The following ANAPC5 variants were observed in gnomAD, a reference collection of about 807,000 sequenced individuals.
The protein encoded by ANAPC5 is anaphase promoting complex subunit 5.
Under a neutral mutation model 91.3 loss-of-function variants are expected in ANAPC5, and 60 were observed. The ratio of observed to expected loss-of-function variants is 0.66; its 90% CI spans 0.53 to 0.81. The LOEUF (loss-of-function observed/expected upper bound fraction) is 0.81, where lower values mean the gene tolerates loss of function less well. ANAPC5 is among the 40% of genes least tolerant of loss of function. The pLI is 0.00. For synonymous variants in ANAPC5, 340 were observed against 364.1 expected (o/e 0.93, Z 0.75); for missense variants, 690 against 931.5 (o/e 0.74, Z 3.37).
intron 1 of ANAPC5, among the ~76,000 whole-genome samples, chr12:121,351,739 G>C: frequency 6.6e-6 from 1 of 152,086 alleles, no homozygotes; most frequent in East Asian, 1.9e-4. Flanking sequence ...TTATAGGCGT[G>C]AGCCACTGCG....
intron 4 of ANAPC5, among the ~76,000 whole-genome samples, chr12:121,343,037 CGAT>C (rs1566195734): frequency 6.6e-6 from 1 of 152,012 alleles, no homozygotes. Context: ...TCAATTTTCA[CGAT>C]GAAATTCAGT....
chr12:121,338,366 G>A (rs1291074472), intron 5 of ANAPC5, among the ~76,000 whole-genome samples: 6 of 152,066 alleles, frequency 3.9e-5, no homozygotes, highest in African/African-American at 1.4e-4. Context: ...GAGGAGGGCA[G>A]ATCATGAGGT....
chr12:121,313,827 T>G (rs1902257921), intron 15 of ANAPC5, among the ~76,000 whole-genome samples: 1 of 152,082 alleles, frequency 6.6e-6, no homozygotes, highest in Non-Finnish European at 1.5e-5. Flanking sequence ...TTAAAACAAT[T>G]AACACCAATC....
intron 11 of ANAPC5, among the ~76,000 whole-genome samples, chr12:121,322,260 G>A (rs1008528143): frequency 6.6e-6 from 1 of 151,560 alleles, no homozygotes; most frequent in African/African-American, 2.4e-5. Flanking sequence ...CCAGGTTCAA[G>A]CAATTCTCTT....
upstream of ANAPC5, chr12:121,352,538 C>G: frequency 1.8e-6 from 1 of 563,158 alleles, no homozygotes; most frequent in Non-Finnish European, 3.1e-6. Context: ...TCAGAATGTA[C>G]AAGAGTGCGG....
chr12:121,326,868 G>C (rs1253035644), intron 11 of ANAPC5, among the ~76,000 whole-genome samples: 1 of 152,072 alleles, frequency 6.6e-6, no homozygotes, highest in Non-Finnish European at 1.5e-5. Context: ...CATGAAACTG[G>C]CTGACCTCTT....
At chr12:121,324,415 T>A (rs1902731673) in intron 11 of ANAPC5, among the ~76,000 whole-genome samples, 2 of 152,138 alleles carry the variant, frequency 1.3e-5, no homozygotes, top group Non-Finnish European at 2.9e-5. Context: ...TAACACAGCC[T>A]GGCTGTTGAA....
intron 2 of ANAPC5, 107 bp downstream of exon 2, chr12:121,347,695 T>A: frequency 1.2e-6 from 1 of 839,430 alleles, no homozygotes; most frequent in South Asian, 1.6e-5. Flanking sequence ...GAAAACAACC[T>A]AGGGTAATAA....
chr12:121,313,068 G>A (rs1009425792), intron 15 of ANAPC5, among the ~76,000 whole-genome samples: 2 of 152,238 alleles, frequency 1.3e-5, no homozygotes, highest in African/African-American at 2.4e-5. Context: ...GTTCACGCCT[G>A]TAATCCCAGC....
intron 15 of ANAPC5, among the ~76,000 whole-genome samples, chr12:121,312,706 CAAAAA>C (rs34791908): frequency 9.6e-5 from 5 of 51,834 alleles, no homozygotes; most frequent in African/African-American, 2.5e-4. Context: ...GACTCTGTCA[CAAAAA>C]AAAAAAAAAA....
At chr12:121,311,424 T>A (rs886253932) in intron 15 of ANAPC5, among the ~76,000 whole-genome samples, 1 of 152,186 alleles carries the variant, frequency 6.6e-6, no homozygotes. Flanking sequence ...GAGGACATTA[T>A]ATACTCATGA....
intron 10 of ANAPC5, 30 bp downstream of exon 10, chr12:121,328,286 T>C: frequency 7.5e-6 from 12 of 1,608,734 alleles, no homozygotes; most frequent in Non-Finnish European, 1.0e-5. Context: ...CTCTAAAGAA[T>C]TCACACCCCC....
chr12:121,322,918 A>G (rs1233796545), intron 11 of ANAPC5, among the ~76,000 whole-genome samples: 1 of 152,076 alleles, frequency 6.6e-6, no homozygotes, highest in Non-Finnish European at 1.5e-5. Context: ...CCAGCTACTC[A>G]GGAGGCAAAG....
rs145225775 is a variant in ANAPC5, at chr12:121,324,811, G to GTT, written c.1440+2283_1440+2284dup. On this transcript the variant is annotated intron_variant, in intron 11 of 16. Transcript: ENST00000261819. Reference sequence around the variant, plus strand: ...CAGCTACTAGGCAGGTTGAGGTGGAGTTCAAGGCTGCAGTGAGCTATGATT... The same window carrying GTT: ...CAGCTACTAGGCAGGTTGAGGTGGAGTTTTCAAGGCTGCAGTGAGCTATGATT... Among the ~76,000 whole-genome samples the GTT allele has an allele frequency of 9.6e-3, 1,469 of 152,294 alleles. 25 individuals carry two copies. Among genetic ancestry groups the GTT allele is most frequent in the African/African-American group, 0.033 (1,390 of 41,556 alleles).
chr12:121,308,634 T>G lies in ANAPC5; in HGVS notation c.2114A>C (p.Asp705Ala), dbSNP rs1160197969. Residue 705 changes from aspartate (D) to alanine (A), a missense_variant, in exon 17 of 17, where the codon GAC becomes GCC. Physicochemically the swap from Asp to Ala is moderately radical, Grantham distance 126. This residue lies in a region of ANAPC5 where 317 missense variants were observed against 438.7 expected (regional missense o/e 0.72). Transcript: ENST00000261819. ...NEAKNYFAKV[D>A]CKERIRDVVY... is the part of the protein sequence containing the mutation. The stretch of plus-strand genomic sequence containing the variant: ...GACGTCCCTGATGCGCTCTTTGCAG[T>G]CAACCTTTGCAAAATAGTTCTTGGC... 6.2e-7 allele frequency: 1 copy of G among 1,614,096 alleles called. No homozygotes were observed. Among genetic ancestry groups the G allele is most frequent in the South Asian group, 1.1e-5 (1 of 91,072 alleles).
intron 11 of ANAPC5, 93 bp downstream of exon 11, chr12:121,327,003 A>G: frequency 6.8e-7 from 1 of 1,467,532 alleles, no homozygotes. Context: ...AGAACTGTCC[A>G]ACACGTGTCC....
chr12:121,324,090 TC>T (rs1902719293), intron 11 of ANAPC5, among the ~76,000 whole-genome samples: 1 of 152,068 alleles, frequency 6.6e-6, no homozygotes, highest in African/African-American at 2.4e-5. Context: ...CCAATCACTC[TC>T]ATACCACAAA....
At position 121,347,607 on chromosome 12, in the gene ANAPC5, G is replaced by A; in HGVS notation, c.287+195C>T. ...GATTGCACCATTGTACTCCAGCCTG[G>A]GCAACAGAATGAGACCCTGTCTCCA... On this transcript the variant is annotated intron_variant, in intron 2 of 16. Coordinates refer to ENST00000261819, the MANE Select transcript of ANAPC5 (RefSeq NM_016237.5). 1.2e-5 allele frequency: 7 copies of A among 570,734 alleles called. 1 individual carries two copies. In the East Asian group the frequency reaches 1.5e-4, roughly 12 times the overall value. The allele number at this position is 570,734 out of a possible 1,614,324, so 35.4% of individuals were successfully genotyped here.
chr12:121,310,641 T>TGAGGGACAAA (rs1298285645), intron 15 of ANAPC5, among the ~76,000 whole-genome samples: 1 of 151,764 alleles, frequency 6.6e-6, no homozygotes, highest in Non-Finnish European at 1.5e-5. Flanking sequence ...AGATATGACA[T>TGAGGGACAAA]ATAGAAAACA....
Sources: gnomAD v4.1 joint callset for allele counts (sites outside exome capture counted in the v4.1 genomes callset) on GRCh38, gnomAD v4.1.1 for gene constraint, gnomAD v4.1.1 regional missense constraint, MANE v1.5 for transcripts, NCBI Gene and HGNC (gene_info 2026-07-23, HGNC 2026-07-21) for gene names.